Variants in ANKHD1 observed in about 807,000 individuals in gnomAD.
ANKHD1 encodes ankyrin repeat and KH domain containing 1.
ANKHD1 carries 31 observed loss-of-function variants against 230.5 expected under a neutral mutation model. The observed-to-expected ratio is 0.13, with a 90% CI of 0.10 to 0.18. ANKHD1 has a LOEUF of 0.18. ANKHD1 is among the 10% of genes least tolerant of loss of function. The probability of loss-of-function intolerance (pLI) is 1.00; values close to 1 mark genes in which losing one functional copy is unlikely to be tolerated. For missense variants in ANKHD1, 2,256 were observed against 3,071.3 expected, an observed-to-expected ratio of 0.73 and a Z score of 6.27; for synonymous variants, 1,074 against 1,117.6, an observed-to-expected ratio of 0.96 and a Z score of 0.78.
intron 24 of ANKHD1, among the ~76,000 whole-genome samples, chr5:140,522,297 A>G (rs1181501117): frequency 6.6e-6 from 1 of 152,168 alleles, no homozygotes; most frequent in East Asian, 1.9e-4. Flanking sequence ...TCAGTACTTT[A>G]TTTCTTTTTA....
intron 22 of ANKHD1, among the ~76,000 whole-genome samples, chr5:140,512,483 A>C (rs1288095482): frequency 6.6e-6 from 1 of 152,192 alleles, no homozygotes; most frequent in Non-Finnish European, 1.5e-5. Context: ...TTTGTTTAAT[A>C]GATTTATTCT....
rs1053661320 is a variant in ANKHD1 at position 140,417,809 on chromosome 5, T to A, written c.306+15536T>A. ...ACTTACTGGAAAGTTGTAAGAATAGTACAAGGAACTTTTCCCATATAGTCT... is the reference window on the plus strand; with the variant it reads ...ACTTACTGGAAAGTTGTAAGAATAGAACAAGGAACTTTTCCCATATAGTCT... On this transcript the variant is annotated intron_variant, in intron 1 of 33. Coordinates refer to ENST00000360839, the MANE Select transcript of ANKHD1 (RefSeq NM_017747.3). Among the ~76,000 whole-genome samples, 3 of 150,088 alleles carry A rather than the reference T, an allele frequency of 2.0e-5. No individual in the cohort carries two copies. The Admixed American group carries it at 2.0e-4, about 10-fold the overall frequency.
intron 1 of ANKHD1, among the ~76,000 whole-genome samples, chr5:140,403,409 G>A (rs1034271215): frequency 1.3e-5 from 2 of 151,746 alleles, no homozygotes; most frequent in Non-Finnish European, 2.9e-5. Flanking sequence ...GGAAAAAGGG[G>A]CGGGTTTTGT....
rs555484568 is a variant in ANKHD1, at chr5:140,427,955, C to T, written c.307-8149C>T. 3.2e-4 allele frequency among the ~76,000 whole-genome samples: 48 copies of T among 152,040 alleles called. 1 individual carries two copies. The highest frequency in any genetic ancestry group is 6.8e-3 in the Middle Eastern group (2 of 294). On this transcript the variant is annotated intron_variant, in intron 1 of 33. Transcript: ENST00000360839. ...CCAGGCAGAGGGTCTCCTCACTTCT[C>T]AGACGGGGCGGCCAGGCAGAGACAC...
chr5:140,520,736 A>T (rs1227974205), intron 24 of ANKHD1, among the ~76,000 whole-genome samples: 1 of 139,664 alleles, frequency 7.2e-6, no homozygotes, highest in Non-Finnish European at 1.5e-5. Context: ...CAATGAGAAC[A>T]CATGGACACA....
chr5:140,509,578 C>T, intron 20 of ANKHD1, 59 bp from the exon 21 acceptor site: 3 of 1,442,022 alleles, frequency 2.1e-6, no homozygotes, highest in Non-Finnish European at 2.7e-6. Flanking sequence ...TAGTTTTGGT[C>T]TACGGAATAG....
chr5:140,426,500 T>TTTTATTTA (rs3084523), intron 1 of ANKHD1, among the ~76,000 whole-genome samples: 217 of 151,796 alleles, frequency 1.4e-3, no homozygotes, highest in African/African-American at 4.5e-3. Context: ...CCTTGAACTT[T>TTTTATTTA]TTTATTTATT....
At chr5:140,488,942 G>A (rs559607531) in intron 14 of ANKHD1, among the ~76,000 whole-genome samples, 9 of 151,962 alleles carry the variant, frequency 5.9e-5, no homozygotes, top group Admixed American at 2.6e-4. Flanking sequence ...TATAATCCCC[G>A]CACTTTGGCA....
chr5:140,432,496 A>G (rs1296973091), intron 1 of ANKHD1, among the ~76,000 whole-genome samples: 1 of 152,146 alleles, frequency 6.6e-6, no homozygotes, highest in Non-Finnish European at 1.5e-5. Flanking sequence ...GGTTGTTTCT[A>G]CTTTTTGGCT....
Position 140,538,962 on chromosome 5 carries a change from A to G in ANKHD1, c.7448A>G (p.His2483Arg). 1.9e-6 allele frequency: 3 copies of G among 1,610,420 alleles called. No homozygotes were observed. Among genetic ancestry groups the G allele is most frequent in the Non-Finnish European group, 2.5e-6 (3 of 1,178,306 alleles). ...TATGGAGGCACCATAATACCCTCTC[A>G]TCCTCAGCTTGCTGATGTTCCAGGA... is the stretch of plus-strand genomic sequence containing the variant. Reference protein sequence around the residue: ...SMYGGTIIPSHPQLADVPGGP... With the variant: ...SMYGGTIIPSRPQLADVPGGP... The change falls in exon 33 of 34, where the codon CAT becomes CGT. Residue 2483 changes from histidine (H) to arginine (R), a missense_variant. By Grantham distance (29) the His-to-Arg change is conservative (BLOSUM62 0). This residue lies in a region of ANKHD1 where 778 missense variants were observed against 966.5 expected (regional missense o/e 0.80). Transcript: ENST00000360839.
At chr5:140,503,989 T>C (rs756927009) in intron 15 of ANKHD1, among the ~76,000 whole-genome samples, 115 of 152,182 alleles carry the variant, frequency 7.6e-4, no homozygotes, top group Non-Finnish European at 1.5e-3. Context: ...AAATAAATAT[T>C]GAATTTAGGA....
intron 10 of ANKHD1, 43 bp downstream of exon 10, chr5:140,464,819 T>C: frequency 1.3e-6 from 2 of 1,542,250 alleles, no homozygotes; most frequent in Non-Finnish European, 8.9e-7. Context: ...TTAATGTTAA[T>C]ATCCATTTAT....
At chr5:140,415,851 A>G (rs755425065) in intron 1 of ANKHD1, among the ~76,000 whole-genome samples, 32 of 152,080 alleles carry the variant, frequency 2.1e-4, no homozygotes, top group South Asian at 8.3e-4. Context: ...GGTTTGTTAC[A>G]TATGTACACA....
intron 1 of ANKHD1, among the ~76,000 whole-genome samples, chr5:140,417,395 T>G (rs534692239): frequency 6.6e-6 from 1 of 151,758 alleles, no homozygotes; most frequent in African/African-American, 2.4e-5. Context: ...TTTATGTATT[T>G]ATTTATTTAA....
rs1238477420 is a variant in ANKHD1, at chr5:140,524,063, C to T, written c.4318-3C>T. The T allele has an allele frequency of 1.3e-6, 2 of 1,563,588 alleles. No individual in the cohort carries two copies. The highest frequency in any genetic ancestry group is 8.6e-7 in the Non-Finnish European group (1 of 1,166,482). ...TAAAATTATATACCTGCTTTATTTC[C>T]AGTCAAGAGAAGAGAGCAGAAAGCA... is the stretch of plus-strand genomic sequence containing the variant. On this transcript the variant is annotated splice_polypyrimidine_tract_variant and splice_region_variant and intron_variant, in intron 24 of 33. Coordinates refer to ENST00000360839, the MANE Select transcript of ANKHD1 (RefSeq NM_017747.3).
chr5:140,401,949 C>G lies in ANKHD1; in HGVS notation c.-19C>G, dbSNP rs535288888. 1.3e-6 allele frequency: 2 copies of G among 1,562,878 alleles called. No individual in the cohort carries two copies. Among genetic ancestry groups the G allele is most frequent in the Admixed American group, 1.9e-5 (1 of 51,834 alleles). ...GACCGCGAGTGGGTCGGCACCGTCTCCGGCTCCGGGTGCGAACAATGCTGA... is the reference window on the plus strand; with the variant it reads ...GACCGCGAGTGGGTCGGCACCGTCTGCGGCTCCGGGTGCGAACAATGCTGA... On this transcript the variant is annotated 5_prime_UTR_variant, in exon 1 of 34. Coordinates refer to ENST00000360839, the MANE Select transcript of ANKHD1 (RefSeq NM_017747.3).
chr5:140,417,965 G>A (rs1771542908), intron 1 of ANKHD1, among the ~76,000 whole-genome samples: 1 of 147,212 alleles, frequency 6.8e-6, no homozygotes, highest in Non-Finnish European at 1.5e-5. Context: ...TCAGCCCCCC[G>A]AGTAGCTGGG....
intron 7 of ANKHD1, among the ~76,000 whole-genome samples, chr5:140,457,456 A>C (rs1449635174): frequency 1.3e-5 from 2 of 152,258 alleles, no homozygotes; most frequent in Admixed American, 6.5e-5. Context: ...AACCAAGCCA[A>C]ATGTCCATCA....
intron 6 of ANKHD1, 120 bp downstream of exon 6, chr5:140,446,095 A>G: frequency 3.0e-6 from 3 of 1,004,370 alleles, no homozygotes; most frequent in South Asian, 3.2e-5. Flanking sequence ...AAAATTATCT[A>G]GTTTATAAGA....
Sources: allele counts gnomAD v4.1 joint callset (sites outside exome capture counted in the v4.1 genomes callset), GRCh38; gene constraint gnomAD v4.1.1; regional missense constraint gnomAD v4.1.1; transcripts MANE v1.5; gene names NCBI Gene and HGNC (gene_info 2026-07-23, HGNC 2026-07-21).